The following FAM107B variants were observed in gnomAD, a reference collection of about 807,000 sequenced individuals.
The protein encoded by FAM107B is protein FAM107B.
A neutral mutation model predicts 31.5 loss-of-function variants in FAM107B; 21 were observed. That is an observed-to-expected ratio of 0.67 (90% CI 0.47 to 0.96). The LOEUF (loss-of-function observed/expected upper bound fraction) is 0.96, where lower values mean the gene tolerates loss of function less well. Ranked by LOEUF, FAM107B falls within the 40% of genes least tolerant of loss-of-function variation. The pLI, the probability that FAM107B is intolerant of heterozygous loss-of-function variation, is 0.00. For synonymous variants in FAM107B, 157 were observed against 141.5 expected (o/e 1.11, Z -0.78); for missense variants, 452 against 377.1 (o/e 1.20, Z -1.64).
chr10:14,723,029 A>G, intron 1 of FAM107B: 2 of 341,086 alleles, frequency 5.9e-6, no homozygotes, highest in South Asian at 4.9e-5. Context: ...CGTCTTTTAC[A>G]TGTGTCTTAT....
chr10:14,604,114 A>ACCCCCCCCCCCCCCCGGCCCC, intron 2 of FAM107B: 3 of 340,936 alleles, frequency 8.8e-6, no homozygotes, highest in Non-Finnish European at 1.2e-5. Flanking sequence ...GCGCACGGGG[A>ACCCCCCCCCCCCCCCGGCCCC]CCCCCCACCC....
chr10:14,609,646 C>T lies in FAM107B; in HGVS notation c.469+57988G>A, dbSNP rs149223008. ...AGGTCAGGCACACCCAGATCATCTT[C>T]CTATCTTGACAGGTAACTGACTTGA... On this transcript the variant is annotated intron_variant, in intron 2 of 4. Coordinates refer to ENST00000181796, the MANE Select transcript of FAM107B (RefSeq NM_031453.4). 1.3e-3 allele frequency among the ~76,000 whole-genome samples: 197 copies of T among 152,320 alleles called. 1 individual carries two copies. The highest frequency in any genetic ancestry group is 4.4e-3 in the African/African-American group (182 of 41,574).
chr10:14,586,793 C>T (rs1851858502), intron 2 of FAM107B, among the ~76,000 whole-genome samples: 1 of 152,190 alleles, frequency 6.6e-6, no homozygotes. Context: ...GTCGCTCCTC[C>T]ACTCTCCAAT....
intron 2 of FAM107B, among the ~76,000 whole-genome samples, chr10:14,589,173 CAA>C (rs148244421): frequency 4.7e-5 from 5 of 105,486 alleles, no homozygotes; most frequent in Admixed American, 1.0e-4. Flanking sequence ...GAGACTGTCT[CAA>C]AAAAAAAAAA....
intron 1 of FAM107B, among the ~76,000 whole-genome samples, chr10:14,743,202 C>T (rs1832657757): frequency 6.6e-6 from 1 of 152,118 alleles, no homozygotes; most frequent in Non-Finnish European, 1.5e-5. Flanking sequence ...CCTTTGCCCA[C>T]ATTTTAATGG....
At chr10:14,762,077 C>T (rs1359145023) in intron 1 of FAM107B, among the ~76,000 whole-genome samples, 3 of 152,124 alleles carry the variant, frequency 2.0e-5, no homozygotes, top group African/African-American at 7.2e-5. Context: ...GGCAGTTGCA[C>T]CTGGAGTGGT....
At chr10:14,738,315 G>A (rs1166850520) in intron 1 of FAM107B, among the ~76,000 whole-genome samples, 2 of 152,136 alleles carry the variant, frequency 1.3e-5, no homozygotes, top group Non-Finnish European at 2.9e-5. Flanking sequence ...GAAAAGATAA[G>A]GCGTAGTTCA....
At chr10:14,748,127 T>C (rs532161183) in intron 1 of FAM107B, among the ~76,000 whole-genome samples, 1 of 152,348 alleles carries the variant, frequency 6.6e-6, no homozygotes, top group Admixed American at 6.5e-5. Context: ...TCTAATTTTG[T>C]TTACTTGTCT....
At chr10:14,771,241 C>T (rs1451609348) in intron 1 of FAM107B, among the ~76,000 whole-genome samples, 3 of 152,142 alleles carry the variant, frequency 2.0e-5, no homozygotes, top group Admixed American at 1.3e-4. Flanking sequence ...CTTTGTCACT[C>T]ACAGGATGCA....
intron 2 of FAM107B, among the ~76,000 whole-genome samples, chr10:14,584,332 T>C (rs1851753555): frequency 1.3e-5 from 2 of 152,222 alleles, no homozygotes; most frequent in South Asian, 2.1e-4. Flanking sequence ...ACGCAGTGTA[T>C]AACCAAGTGA....
chr10:14,648,000 G>A (rs1302586864), intron 2 of FAM107B, among the ~76,000 whole-genome samples: 3 of 149,076 alleles, frequency 2.0e-5, no homozygotes, highest in African/African-American at 7.4e-5. Flanking sequence ...CATTTTTAGC[G>A]GAAAAAAAAA....
At chr10:14,751,822 T>C (rs1423644378) in intron 1 of FAM107B, among the ~76,000 whole-genome samples, 1 of 152,010 alleles carries the variant, frequency 6.6e-6, no homozygotes, top group Non-Finnish European at 1.5e-5. Flanking sequence ...GAGAGAAGGT[T>C]GTAACGCACC....
chr10:14,688,421 G>C (rs746090149), intron 1 of FAM107B, among the ~76,000 whole-genome samples: 26 of 152,048 alleles, frequency 1.7e-4, no homozygotes, highest in Admixed American at 3.9e-4. Flanking sequence ...TGTCCCTCTA[G>C]AGAACTGTGA....
At chr10:14,612,477 TTC>T (rs1428892216) in intron 2 of FAM107B, 1 of 152,244 alleles carries the variant, frequency 6.6e-6, no homozygotes, top group African/African-American at 2.4e-5. Context: ...TGCCCTGTCC[TTC>T]CTTACTTACC....
chr10:14,668,315 T>A (rs1854460215), intron 1 of FAM107B, among the ~76,000 whole-genome samples: 1 of 152,000 alleles, frequency 6.6e-6, no homozygotes, highest in South Asian at 2.1e-4. Context: ...AGTGCTGGGG[T>A]TCCAGGAGTG....
At chr10:14,743,523 G>A (rs1257839381) in intron 1 of FAM107B, among the ~76,000 whole-genome samples, 1 of 152,064 alleles carries the variant, frequency 6.6e-6, no homozygotes, top group Non-Finnish European at 1.5e-5. Context: ...TTGAGTTAAT[G>A]TTTGTATAAG....
At chr10:14,558,283 A>G (rs1254899995) in intron 2 of FAM107B, among the ~76,000 whole-genome samples, 2 of 148,934 alleles carry the variant, frequency 1.3e-5, no homozygotes, top group African/African-American at 5.2e-5. Flanking sequence ...GTGCACGCAC[A>G]CACACACATA....
intron 1 of FAM107B, among the ~76,000 whole-genome samples, chr10:14,713,761 A>G (rs1333787124): frequency 6.6e-6 from 1 of 152,240 alleles, no homozygotes; most frequent in African/African-American, 2.4e-5. Flanking sequence ...TCACAATAGC[A>G]AAGACATGAA....
intron 2 of FAM107B, among the ~76,000 whole-genome samples, chr10:14,537,748 T>C (rs746786575): frequency 4.8e-5 from 7 of 147,364 alleles, no homozygotes; most frequent in Admixed American, 1.4e-4. Flanking sequence ...GGCAGGAGAA[T>C]AGCTTGAACC....
Sources: allele counts gnomAD v4.1 joint callset (sites outside exome capture counted in the v4.1 genomes callset), GRCh38; gene constraint gnomAD v4.1.1; transcripts MANE v1.5; gene names NCBI Gene and HGNC (gene_info 2026-07-23, HGNC 2026-07-21).